SSH1: variants seen among roughly 807,000 people sequenced by gnomAD.
SSH1 encodes slingshot protein phosphatase 1.
A neutral mutation model predicts 79.7 loss-of-function variants in SSH1; 43 were observed. The ratio of observed to expected loss-of-function variants is 0.54; its 90% CI spans 0.42 to 0.70. The LOEUF (loss-of-function observed/expected upper bound fraction) is 0.70. Among genes scored for constraint, SSH1 ranks in the 30% least tolerant of loss-of-function variants. The pLI is 0.00. For synonymous variants in SSH1, 599 were observed against 538.3 expected (o/e 1.11, Z -1.56); for missense variants, 1,206 against 1,358.8 (o/e 0.89, Z 1.77).
chr12:108,802,493 G>T, intron 10 of SSH1, 125 bp from the exon 11 acceptor site: 1 of 786,418 alleles, frequency 1.3e-6, no homozygotes, highest in Non-Finnish European at 2.2e-6. Context: ...TGGCCTCAGA[G>T]AACAGAGAGA....
chr12:108,825,419 C>T (rs1232172801), intron 2 of SSH1, among the ~76,000 whole-genome samples: 2 of 152,210 alleles, frequency 1.3e-5, no homozygotes, highest in African/African-American at 2.4e-5. Context: ...TTCCAATCAG[C>T]AGCTCCTGAG....
intron 3 of SSH1, among the ~76,000 whole-genome samples, chr12:108,822,992 G>A (rs946651201): frequency 6.6e-6 from 1 of 152,226 alleles, no homozygotes; most frequent in Non-Finnish European, 1.5e-5. Flanking sequence ...GCAATTAACT[G>A]ATAAACTACA....
In SSH1 at chr12:108,802,341, C is replaced by T; in HGVS notation, c.982G>A (p.Glu328Lys). 1 of 1,614,046 alleles carries T rather than the reference C, an allele frequency of 6.2e-7. No homozygotes were observed. The highest frequency in any genetic ancestry group is 8.5e-7 in the Non-Finnish European group (1 of 1,179,996). Residue 328 changes from glutamate to lysine, a missense_variant, in exon 11 of 15, where the codon GAG (glutamate) becomes AAG (lysine). Transcript: ENST00000326495. ...ACTCACCCTGAGCCCTGCAGTTCCTCCAGATTGGATGCATTCCATTCAGAG... is the reference window on the plus strand; with the variant it reads ...ACTCACCCTGAGCCCTGCAGTTCCTTCAGATTGGATGCATTCCATTCAGAG... ...LGSEWNASNL[E>K]ELQGSGVDYI...
In SSH1 at chr12:108,805,140, T is replaced by A. The variant is rs375143131; in HGVS notation, c.870A>T (p.Glu290Asp). ...LEKQMNCNLK[E>D]LKEFIDNEML... is the part of the protein sequence containing the mutation. Reference sequence around the variant, plus strand: ...TCTCATTGTCTATAAATTCCTTGAGTTCCTTCAAGTTACAATTCATCTGTT... The same window carrying A: ...TCTCATTGTCTATAAATTCCTTGAGATCCTTCAAGTTACAATTCATCTGTT... Residue 290 changes from glutamate to aspartate, a missense_variant, in exon 10 of 15, where the codon GAA becomes GAT. Glu to Asp is a conservative substitution (Grantham distance 45, BLOSUM62 2). Coordinates refer to ENST00000326495, the MANE Select transcript of SSH1 (RefSeq NM_018984.4). 6.2e-7 allele frequency: 1 copy of A among 1,613,514 alleles called. No individual in the cohort carries two copies. Among genetic ancestry groups the A allele is most frequent in the South Asian group, 1.1e-5 (1 of 91,066 alleles).
At chr12:108,854,927 G>A (rs2137302546) in intron 1 of SSH1, among the ~76,000 whole-genome samples, 1 of 152,308 alleles carries the variant, frequency 6.6e-6, no homozygotes, top group Middle Eastern at 3.4e-3. Context: ...ATCTGAACGA[G>A]GGCCTTGCCT....
At chr12:108,822,501 C>T (rs1361560487) in intron 3 of SSH1, among the ~76,000 whole-genome samples, 1 of 151,660 alleles carries the variant, frequency 6.6e-6, no homozygotes, top group Admixed American at 6.6e-5. Context: ...GGCTGGAGTG[C>T]AGTGGCGTGA....
intron 2 of SSH1, among the ~76,000 whole-genome samples, chr12:108,845,197 G>GA (rs532428327): frequency 2.0e-3 from 117 of 59,736 alleles, no homozygotes; most frequent in Middle Eastern, 0.012. Flanking sequence ...CAACAGAGCA[G>GA]AAAAAAAAAA....
chr12:108,796,464 T>C (rs1204834894), intron 13 of SSH1, among the ~76,000 whole-genome samples: 1 of 152,256 alleles, frequency 6.6e-6, no homozygotes, highest in Non-Finnish European at 1.5e-5. Context: ...TTTTCGTGAT[T>C]TGCTTATTTC....
At chr12:108,853,498 G>C (rs964734330) in intron 1 of SSH1, 2 of 277,628 alleles carry the variant, frequency 7.2e-6, no homozygotes, top group Non-Finnish European at 1.1e-5. Flanking sequence ...TGATGGCTGG[G>C]AGAGATGCAG....
rs2036169834 is a variant in SSH1, at chr12:108,782,912, G to C, written c.*5076C>G. ...CGCAATTCACGGGAACCCACTGGCA[G>C]CTTCTGGAAAACCAAACAACTCATG... On this transcript the variant is annotated 3_prime_UTR_variant, in exon 15 of 15. Transcript: ENST00000326495. The C allele has an allele frequency of 6.6e-6, 1 of 152,232 alleles. No homozygotes were observed. The highest frequency in any genetic ancestry group is 1.5e-5 in the Non-Finnish European group (1 of 68,044). The allele number at this position is 152,232 out of a possible 1,614,324, so 9.4% of individuals were successfully genotyped here.
At chr12:108,811,851 A>G (rs1335419502) in intron 5 of SSH1, among the ~76,000 whole-genome samples, 1 of 152,198 alleles carries the variant, frequency 6.6e-6, no homozygotes, top group Non-Finnish European at 1.5e-5. Context: ...GGCGCCACTG[A>G]AAAACAGAGG....
rs2036290438 is a variant in SSH1 at position 108,786,874 on chromosome 12, C to A, written c.*1114G>T. On this transcript the variant is annotated 3_prime_UTR_variant, in exon 15 of 15. Coordinates refer to ENST00000326495, the MANE Select transcript of SSH1 (RefSeq NM_018984.4). The stretch of plus-strand genomic sequence containing the variant: ...TCACCTGAGTCTTAAAGGGGCCGCC[C>A]ACAGAGCCAGGCAGCGACTACAGAT... 1 of 152,254 alleles carries A rather than the reference C, an allele frequency of 6.6e-6. No homozygotes were observed. The highest frequency in any genetic ancestry group is 2.1e-4 in the South Asian group (1 of 4,826). The allele number at this position is 152,254 out of a possible 1,614,324, so 9.4% of individuals were successfully genotyped here.
Position 108,787,945 on chromosome 12 carries a change from T to A in SSH1, c.*43A>T. On this transcript the variant is annotated 3_prime_UTR_variant, in exon 15 of 15. Transcript: ENST00000326495. ...ATCCACAGTGAAAGTGAGGGAGGGA[T>A]CATATGAAAATATCCGCCCAGCCTG... is the stretch of plus-strand genomic sequence containing the variant. 6.2e-7 allele frequency: 1 copy of A among 1,611,290 alleles called. No homozygotes were observed. The highest frequency in any genetic ancestry group is 1.7e-5 in the Admixed American group (1 of 60,004).
In SSH1 at chr12:108,836,005, G is replaced by A. The variant is rs7298199; in HGVS notation, c.111-12644C>T. 7.9e-4 allele frequency among the ~76,000 whole-genome samples: 111 copies of A among 140,626 alleles called. 3 individuals are homozygous for A. Among genetic ancestry groups the A allele is most frequent in the African/African-American group, 3.0e-3 (110 of 36,210 alleles). The allele number at this position is 140,626 out of a possible 152,430, so 92.3% of individuals were successfully genotyped here. ...CGATTATAACTATATTAATATAATC[G>A]ATTATAACTATATTAATATAATCGA... On this transcript the variant is annotated intron_variant, in intron 2 of 14. Transcript: ENST00000326495.
chr12:108,834,704 G>A (rs1341590366), intron 2 of SSH1, among the ~76,000 whole-genome samples: 3 of 152,146 alleles, frequency 2.0e-5, no homozygotes, highest in Non-Finnish European at 4.4e-5. Context: ...TTTCCAAATC[G>A]TGTTCCCTGA....
At chr12:108,815,868 T>G (rs1403025313) in intron 5 of SSH1, among the ~76,000 whole-genome samples, 1 of 152,186 alleles carries the variant, frequency 6.6e-6, no homozygotes, top group Non-Finnish European at 1.5e-5. Flanking sequence ...AGAAATGTCC[T>G]CCCTTTTTTA....
At chr12:108,821,212 C>A (rs2038104695) in intron 3 of SSH1, among the ~76,000 whole-genome samples, 1 of 104,378 alleles carries the variant, frequency 9.6e-6, no homozygotes, top group African/African-American at 4.0e-5. Flanking sequence ...AGTGAGACCT[C>A]ATCTACACAC....
chr12:108,804,347 CCT>C (rs375357706), intron 10 of SSH1, among the ~76,000 whole-genome samples: 1 of 152,214 alleles, frequency 6.6e-6, no homozygotes, highest in African/African-American at 2.4e-5. Flanking sequence ...CCTGGTGGGC[CCT>C]GATTTTCATT....
rs1434753558 is a variant in SSH1, at chr12:108,784,720, AT to A, written c.*3267del. 2 of 152,206 alleles carry A rather than the reference AT, an allele frequency of 1.3e-5. No individual in the cohort carries two copies. The highest frequency in any genetic ancestry group is 4.8e-5 in the African/African-American group (2 of 41,454). 9.4% of individuals were successfully genotyped at this position (152,206 alleles called of 1,614,324 possible). A position where few individuals can be genotyped will look rare whatever the true frequency, so the allele number is the denominator to read the frequency against. The stretch of plus-strand genomic sequence containing the variant: ...AGACTTAAAGAGAAGACTTTCCTGT[AT>A]CAATGCAAGGTGAAGATGTAGAAAA... On this transcript the variant is annotated 3_prime_UTR_variant, in exon 15 of 15. Coordinates refer to ENST00000326495, the MANE Select transcript of SSH1 (RefSeq NM_018984.4).
Sources: allele counts gnomAD v4.1 joint callset (sites outside exome capture counted in the v4.1 genomes callset), GRCh38; gene constraint gnomAD v4.1.1; transcripts MANE v1.5; gene names NCBI Gene and HGNC (gene_info 2026-07-23, HGNC 2026-07-21).